CPT1A: variants seen among roughly 807,000 people sequenced by gnomAD.
The protein encoded by CPT1A is carnitine O-palmitoyltransferase 1, liver isoform.
Under a neutral mutation model 100.8 loss-of-function variants are expected in CPT1A, and 64 were observed. That is an observed-to-expected ratio of 0.63 (90% confidence interval 0.52 to 0.78). The LOEUF (loss-of-function observed/expected upper bound fraction) is 0.78. Ranked by LOEUF, CPT1A falls within the 30% of genes least tolerant of loss-of-function variation. The probability of loss-of-function intolerance (pLI) is 0.00; values close to 1 mark genes in which losing one functional copy is unlikely to be tolerated. For missense variants in CPT1A, 802 were observed against 1,034.1 expected, an observed-to-expected ratio of 0.78 and a Z score of 3.08; for synonymous variants, 363 against 396.0, an observed-to-expected ratio of 0.92 and a Z score of 0.99.
chr11:68,833,024 G>A (rs1410647606), intron 1 of CPT1A, among the ~76,000 whole-genome samples: 1 of 152,206 alleles, frequency 6.6e-6, no homozygotes, highest in African/African-American at 2.4e-5. Flanking sequence ...TGGATGCCCG[G>A]GTGACCAATG....
chr11:68,775,156 G>A (rs991754314), intron 13 of CPT1A, among the ~76,000 whole-genome samples, 160 bp downstream of exon 13: 1 of 152,140 alleles, frequency 6.6e-6, no homozygotes, highest in African/African-American at 2.4e-5. Flanking sequence ...TGACAGCCCC[G>A]CAGACCCACG....
chr11:68,811,202 C>T (rs1440570735), intron 3 of CPT1A, among the ~76,000 whole-genome samples: 1 of 152,090 alleles, frequency 6.6e-6, no homozygotes, highest in Non-Finnish European at 1.5e-5. Context: ...AAACAAAGCC[C>T]AATTATGAGG....
chr11:68,786,880 CT>C (rs1423188911), intron 9 of CPT1A, among the ~76,000 whole-genome samples: 1 of 152,202 alleles, frequency 6.6e-6, no homozygotes, highest in Non-Finnish European at 1.5e-5. Context: ...AGGAGACCTG[CT>C]TTGGTTTGCT....
chr11:68,822,229 TA>T (rs543750413), intron 1 of CPT1A, among the ~76,000 whole-genome samples: 3,302 of 143,996 alleles, frequency 0.023, 119 homozygotes, highest in African/African-American at 0.079. Flanking sequence ...TAAACAAAAA[TA>T]AAAAAAAAAA....
chr11:68,763,933 A>G (rs1223405391), intron 14 of CPT1A, among the ~76,000 whole-genome samples: 1 of 151,122 alleles, frequency 6.6e-6, no homozygotes, highest in African/African-American at 2.4e-5. Context: ...AGTCAAGGTA[A>G]GGGATGATCC....
intron 1 of CPT1A, among the ~76,000 whole-genome samples, chr11:68,822,673 CA>C (rs1218264621): frequency 6.6e-6 from 1 of 152,012 alleles, no homozygotes; most frequent in South Asian, 2.1e-4. Context: ...TCATGATAGC[CA>C]AAAAGTGGCA....
intron 16 of CPT1A, 99 bp downstream of exon 16, chr11:68,761,436 G>T: frequency 8.9e-5 from 120 of 1,342,826 alleles, no homozygotes; most frequent in Admixed American, 1.2e-4. Flanking sequence ...TTTTTCAAAT[G>T]CCCATTCTGA....
chr11:68,785,866 G>A (rs887288910), intron 9 of CPT1A: 50 of 537,944 alleles, frequency 9.3e-5, no homozygotes, highest in African/African-American at 5.8e-4. Context: ...GGAAAATTAC[G>A]AAACCAAGCC....
intron 9 of CPT1A, among the ~76,000 whole-genome samples, chr11:68,787,121 G>A (rs1027518570): frequency 6.6e-6 from 1 of 152,180 alleles, no homozygotes; most frequent in Non-Finnish European, 1.5e-5. Flanking sequence ...AAACCTATCA[G>A]CTGTTTAAGC....
chr11:68,760,621 G>C (rs1379489834), intron 16 of CPT1A, among the ~76,000 whole-genome samples: 2 of 152,188 alleles, frequency 1.3e-5, no homozygotes, highest in African/African-American at 4.8e-5. Flanking sequence ...GTAAGATTCG[G>C]AACGGGGACA....
At chr11:68,804,573 G>A (rs760354937) in intron 4 of CPT1A, among the ~76,000 whole-genome samples, 1 of 152,192 alleles carries the variant, frequency 6.6e-6, no homozygotes, top group Non-Finnish European at 1.5e-5. Flanking sequence ...GGGCAACATA[G>A]TGAGACCCTA....
At chr11:68,781,299 T>A (rs1332506088) in intron 11 of CPT1A, among the ~76,000 whole-genome samples, 1 of 152,160 alleles carries the variant, frequency 6.6e-6, no homozygotes, top group African/African-American at 2.4e-5. Flanking sequence ...AGGCTGTGTA[T>A]GTGTGATAGT....
At chr11:68,780,375 C>T (rs1025112085) in intron 12 of CPT1A, among the ~76,000 whole-genome samples, 7 of 152,174 alleles carry the variant, frequency 4.6e-5, no homozygotes, top group South Asian at 2.1e-4. Context: ...CTCTGTCTCC[C>T]GGGTTCAATC....
intron 4 of CPT1A, among the ~76,000 whole-genome samples, chr11:68,805,187 C>T (rs1286984187): frequency 2.6e-5 from 4 of 152,082 alleles, no homozygotes; most frequent in East Asian, 3.9e-4. Context: ...TGGTGGCTCA[C>T]GCCTGTTGAT....
chr11:68,785,547 T>G (rs1594338143), intron 9 of CPT1A, among the ~76,000 whole-genome samples: 1 of 124,790 alleles, frequency 8.0e-6, no homozygotes, highest in Non-Finnish European at 1.6e-5. Flanking sequence ...GGTAACAGAG[T>G]GATACTCCAT....
rs1284705656 is a variant in CPT1A at position 68,756,601 on chromosome 11, T to C, written c.*1043A>G. The stretch of plus-strand genomic sequence containing the variant: ...CCACGGTGGGCTGCCCTCCCCTTCC[T>C]CACTTGCTAGTCCCCGCTTGGTGGC... On this transcript the variant is annotated 3_prime_UTR_variant, in exon 19 of 19. Transcript: ENST00000265641. The C allele has an allele frequency of 6.6e-6, 1 of 152,268 alleles. No homozygotes were observed. Among genetic ancestry groups the C allele is most frequent in the Non-Finnish European group, 1.5e-5 (1 of 68,090 alleles). 9.4% of individuals were successfully genotyped at this position (152,268 alleles called of 1,614,324 possible).
chr11:68,765,933 G>A (rs1431751056), intron 14 of CPT1A, among the ~76,000 whole-genome samples: 3 of 151,566 alleles, frequency 2.0e-5, no homozygotes, highest in Non-Finnish European at 4.4e-5. Context: ...GTGCAGTGGT[G>A]TGATCTTGGC....
chr11:68,777,638 G>A (rs571733428), intron 12 of CPT1A, among the ~76,000 whole-genome samples: 9 of 152,218 alleles, frequency 5.9e-5, no homozygotes, highest in African/African-American at 2.2e-4. Flanking sequence ...CTACTTCTAC[G>A]TGCCCACCCT....
At chr11:68,795,220 C>G (rs1166376190) in intron 7 of CPT1A, among the ~76,000 whole-genome samples, 3 of 152,184 alleles carry the variant, frequency 2.0e-5, no homozygotes, top group Non-Finnish European at 4.4e-5. Flanking sequence ...ATTAGACAAT[C>G]AGGAAGTTTT....
Sources: gnomAD v4.1 joint callset for allele counts (sites outside exome capture counted in the v4.1 genomes callset) on GRCh38, gnomAD v4.1.1 for gene constraint, MANE v1.5 for transcripts, NCBI Gene and HGNC (gene_info 2026-07-23, HGNC 2026-07-21) for gene names.